Variants in SH3GL2 observed in about 807,000 individuals in gnomAD.
The protein encoded by SH3GL2 is endophilin-A1.
Under a neutral mutation model 46.0 loss-of-function variants are expected in SH3GL2, and 24 were observed. The observed-to-expected ratio is 0.52, with a 90% CI of 0.38 to 0.73. SH3GL2 has a LOEUF of 0.73. SH3GL2 is among the 30% of genes least tolerant of loss of function. The pLI, the probability that SH3GL2 is intolerant of heterozygous loss-of-function variation, is 0.00. For missense variants in SH3GL2, 413 were observed against 424.2 expected (o/e 0.97, Z 0.23); for synonymous variants, 196 against 147.1 (o/e 1.33, Z -2.40).
chr9:17,678,217 T>G (rs1006764565), intron 1 of SH3GL2, among the ~76,000 whole-genome samples: 6 of 152,132 alleles, frequency 3.9e-5, no homozygotes, highest in African/African-American at 1.2e-4. Context: ...CACACTGACT[T>G]CCACAATGGT....
intron 1 of SH3GL2, among the ~76,000 whole-genome samples, chr9:17,660,678 T>C (rs569881591): frequency 6.6e-6 from 1 of 152,314 alleles, no homozygotes; most frequent in African/African-American, 2.4e-5. Flanking sequence ...GCTCAGTGTT[T>C]TTCTAGGGAC....
chr9:17,775,030 GTT>G (rs1823602308), intron 3 of SH3GL2, among the ~76,000 whole-genome samples: 1 of 152,114 alleles, frequency 6.6e-6, no homozygotes, highest in East Asian at 1.9e-4. Flanking sequence ...GTTTCTAAGA[GTT>G]TGTCCATTTC....
intron 1 of SH3GL2, among the ~76,000 whole-genome samples, chr9:17,619,228 C>G (rs989168215): frequency 6.6e-6 from 1 of 152,184 alleles, no homozygotes; most frequent in African/African-American, 2.4e-5. Flanking sequence ...AGTGATTCAT[C>G]ATCTCCACAG....
chr9:17,774,197 G>C (rs1823575395), intron 3 of SH3GL2, among the ~76,000 whole-genome samples: 1 of 151,992 alleles, frequency 6.6e-6, no homozygotes, highest in Non-Finnish European at 1.5e-5. Context: ...AGCTTTTTGT[G>C]GGAAATCTTT....
At position 17,584,555 on chromosome 9, in the gene SH3GL2, T is replaced by G. The variant is rs139037269; in HGVS notation, c.45+5268T>G. Among the ~76,000 whole-genome samples the G allele has an allele frequency of 2.3e-3, 351 of 152,298 alleles. 2 individuals are homozygous for G. Among genetic ancestry groups the G allele is most frequent in the African/African-American group, 7.9e-3 (330 of 41,560 alleles). On this transcript the variant is annotated intron_variant, in intron 1 of 8. Transcript: ENST00000380607. ...GTCATCAGGAGAAAGTGGATGTTTC[T>G]TACAATAATCACTCCAACAGTTCTG...
chr9:17,635,575 A>G (rs1819524776), intron 1 of SH3GL2, among the ~76,000 whole-genome samples: 1 of 152,210 alleles, frequency 6.6e-6, no homozygotes, highest in Admixed American at 6.5e-5. Flanking sequence ...AGTGCCTAAA[A>G]GGTATCCAGC....
At chr9:17,768,439 G>A (rs1823381698) in intron 3 of SH3GL2, among the ~76,000 whole-genome samples, 1 of 150,682 alleles carries the variant, frequency 6.6e-6, no homozygotes, top group African/African-American at 2.4e-5. Flanking sequence ...TAAAATGCAT[G>A]TGTACATGTA....
At chr9:17,689,532 C>G (rs1199777594) in intron 1 of SH3GL2, among the ~76,000 whole-genome samples, 1 of 152,050 alleles carries the variant, frequency 6.6e-6, no homozygotes, top group Non-Finnish European at 1.5e-5. Context: ...TGAGTGTCCT[C>G]ACCATAGCCT....
intron 2 of SH3GL2, among the ~76,000 whole-genome samples, chr9:17,758,857 G>T (rs889656507): frequency 6.6e-6 from 1 of 152,122 alleles, no homozygotes; most frequent in Non-Finnish European, 1.5e-5. Flanking sequence ...ATCTGGGTGG[G>T]ATGAGCTCTT....
In SH3GL2 at chr9:17,612,023, T is replaced by A. The variant is rs551377325; in HGVS notation, c.45+32736T>A. 3.3e-5 allele frequency among the ~76,000 whole-genome samples: 5 copies of A among 152,268 alleles called. No homozygotes were observed. In the East Asian group the frequency reaches 5.8e-4, roughly 18 times the overall value. The stretch of plus-strand genomic sequence containing the variant: ...CAGTAGCTAATAATATTGGGACTAG[T>A]TGTGCATATGGGGAAATTCTCAGAG... On this transcript the variant is annotated intron_variant, in intron 1 of 8. Transcript: ENST00000380607.
intron 1 of SH3GL2, among the ~76,000 whole-genome samples, chr9:17,713,752 G>C (rs565543102): frequency 6.6e-6 from 1 of 151,752 alleles, no homozygotes; most frequent in Admixed American, 6.6e-5. Flanking sequence ...ATACGTTATA[G>C]AACTTGAATC....
intron 3 of SH3GL2, among the ~76,000 whole-genome samples, chr9:17,783,789 C>G (rs1271654288): frequency 1.3e-5 from 2 of 152,090 alleles, no homozygotes; most frequent in South Asian, 4.1e-4. Context: ...GAAGTAGATT[C>G]ATGGGTTTGA....
chr9:17,693,268 G>C (rs1432113510), intron 1 of SH3GL2, among the ~76,000 whole-genome samples: 1 of 152,082 alleles, frequency 6.6e-6, no homozygotes, highest in Non-Finnish European at 1.5e-5. Context: ...GAGACTTTTG[G>C]TTGCTGGTGA....
intron 1 of SH3GL2, among the ~76,000 whole-genome samples, chr9:17,733,850 C>T (rs916564446): frequency 6.9e-6 from 1 of 145,610 alleles, no homozygotes; most frequent in Non-Finnish European, 1.5e-5. Context: ...AATCATCATT[C>T]TCAGTAAACT....
rs368811809 is a variant in SH3GL2, at chr9:17,789,855, TAAAAGTAAAAA to T, written c.624+307_624+317del. ...TCATGTAATTTATCGAATAACGCATTAAAAGTAAAAAACAGAATGGTTGTAAGGGTACTTGA... is the reference window on the plus strand; with the variant it reads ...TCATGTAATTTATCGAATAACGCATTACAGAATGGTTGTAAGGGTACTTGA... On this transcript the variant is annotated intron_variant, in intron 6 of 8. Coordinates refer to ENST00000380607, the MANE Select transcript of SH3GL2 (RefSeq NM_003026.5). 1.7e-3 allele frequency: 1,239 copies of T among 717,108 alleles called. 15 individuals are homozygous for T. The African/African-American group carries it at 0.022, about 13-fold the overall frequency. The allele number at this position is 717,108 out of a possible 1,614,324, so 44.4% of individuals were successfully genotyped here. A position where few individuals can be genotyped will look rare whatever the true frequency, so the allele number is the denominator to read the frequency against.
intron 1 of SH3GL2, among the ~76,000 whole-genome samples, chr9:17,743,062 C>T (rs2118506308): frequency 6.6e-6 from 1 of 152,220 alleles, no homozygotes; most frequent in Middle Eastern, 3.4e-3. Context: ...TAAACAGTAC[C>T]AGGTAAGGAG....
At chr9:17,732,015 A>G (rs539337569) in intron 1 of SH3GL2, among the ~76,000 whole-genome samples, 4 of 152,274 alleles carry the variant, frequency 2.6e-5, no homozygotes, top group Admixed American at 2.6e-4. Context: ...TGTGATAGGG[A>G]AACAAGCATA....
intron 1 of SH3GL2, among the ~76,000 whole-genome samples, chr9:17,608,170 T>C (rs1230317538): frequency 2.7e-5 from 3 of 112,594 alleles, no homozygotes; most frequent in Admixed American, 1.1e-4. Flanking sequence ...TTTTTTGAGA[T>C]GGAGTCTTGC....
chr9:17,587,014 C>G (rs1485506024), intron 1 of SH3GL2, among the ~76,000 whole-genome samples: 3 of 152,088 alleles, frequency 2.0e-5, no homozygotes. Flanking sequence ...CCAGCTTGGC[C>G]AACATGGCAA....
Sources: gnomAD v4.1 joint callset for allele counts (sites outside exome capture counted in the v4.1 genomes callset) on GRCh38, gnomAD v4.1.1 for gene constraint, MANE v1.5 for transcripts, NCBI Gene and HGNC (gene_info 2026-07-23, HGNC 2026-07-21) for gene names.